Variants in LRMDA observed in about 807,000 individuals in gnomAD.
LRMDA encodes leucine rich melanocyte differentiation associated, also known as leucine-rich melanocyte differentiation-associated protein.
Under a neutral mutation model 29.8 loss-of-function variants are expected in LRMDA, and 18 were observed. The ratio of observed to expected loss-of-function variants is 0.60; its 90% CI spans 0.42 to 0.90. The LOEUF (loss-of-function observed/expected upper bound fraction) is 0.90. Ranked by LOEUF, LRMDA falls within the 40% of genes least tolerant of loss-of-function variation. LRMDA has a pLI of 0.00. For synonymous variants in LRMDA, 125 were observed against 109.4 expected (o/e 1.14, Z -0.89); for missense variants, 273 against 273.9 (o/e 1.00, Z 0.02).
chr10:76,080,347 T>G (rs550702496), intron 5 of LRMDA, among the ~76,000 whole-genome samples: 1 of 152,358 alleles, frequency 6.6e-6, no homozygotes, highest in Non-Finnish European at 1.5e-5. Context: ...ATCTACCTTC[T>G]GTTTACCCCA....
In LRMDA at chr10:75,627,338, C is replaced by G. The variant is rs539235426; in HGVS notation, c.131+188844C>G. Among the ~76,000 whole-genome samples the G allele has an allele frequency of 5.4e-4, 82 of 152,252 alleles. 1 individual carries two copies. The highest frequency in any genetic ancestry group is 6.8e-3 in the Middle Eastern group (2 of 294). On this transcript the variant is annotated intron_variant, in intron 2 of 6. Transcript: ENST00000611255. ...AGCAGGTGGAAGGGAGAGGGATTTT[C>G]CTTGGAAACTGTCTCCCCTATAACA... is the stretch of plus-strand genomic sequence containing the variant.
chr10:76,259,129 A>AT (rs1342385203), intron 5 of LRMDA, among the ~76,000 whole-genome samples: 1 of 151,946 alleles, frequency 6.6e-6, no homozygotes. Flanking sequence ...AACATTTGTT[A>AT]TTTTTTATCT....
At chr10:75,549,996 G>A (rs1246202041) in intron 2 of LRMDA, among the ~76,000 whole-genome samples, 2 of 152,130 alleles carry the variant, frequency 1.3e-5, no homozygotes, top group Admixed American at 1.3e-4. Context: ...TTATTGTTGA[G>A]TAGTATTCTA....
At chr10:75,626,544 G>A (rs1171986426) in intron 2 of LRMDA, among the ~76,000 whole-genome samples, 1 of 152,168 alleles carries the variant, frequency 6.6e-6, no homozygotes, top group Non-Finnish European at 1.5e-5. Flanking sequence ...GGGAGGGGAA[G>A]GTCCTCTTGG....
chr10:76,142,596 G>A (rs76071575), intron 5 of LRMDA, among the ~76,000 whole-genome samples: 5 of 151,574 alleles, frequency 3.3e-5, no homozygotes, highest in African/African-American at 1.2e-4. Flanking sequence ...TATAGCAGCT[G>A]TTTCTGCATT....
At chr10:76,028,755 T>C (rs543508210) in intron 2 of LRMDA, among the ~76,000 whole-genome samples, 73 of 152,228 alleles carry the variant, frequency 4.8e-4, no homozygotes, top group African/African-American at 1.7e-3. Flanking sequence ...CCTAAGATTG[T>C]CATTTTCTAG....
intron 6 of LRMDA, among the ~76,000 whole-genome samples, chr10:76,547,480 T>C (rs1358411057): frequency 6.6e-6 from 1 of 152,148 alleles, no homozygotes; most frequent in East Asian, 1.9e-4. Context: ...TGGCTCTCCC[T>C]GAATAGTTGC....
intron 6 of LRMDA, among the ~76,000 whole-genome samples, chr10:76,360,235 G>A (rs565479370): frequency 6.6e-6 from 1 of 152,162 alleles, no homozygotes; most frequent in African/African-American, 2.4e-5. Flanking sequence ...TGGTCTGCCT[G>A]CCTCGGCCTC....
intron 6 of LRMDA, among the ~76,000 whole-genome samples, chr10:76,520,076 C>T (rs936747464): frequency 2.0e-5 from 3 of 152,006 alleles, no homozygotes; most frequent in Non-Finnish European, 4.4e-5. Context: ...TTGTGGTGAT[C>T]GTTGTCTAAT....
At chr10:76,478,735 A>T (rs1480914852) in intron 6 of LRMDA, among the ~76,000 whole-genome samples, 1 of 152,130 alleles carries the variant, frequency 6.6e-6, no homozygotes, top group Non-Finnish European at 1.5e-5. Flanking sequence ...TGATGAGTTC[A>T]TGTCCTTTGT....
intron 6 of LRMDA, among the ~76,000 whole-genome samples, chr10:76,475,090 G>A (rs538327037): frequency 1.9e-3 from 281 of 151,714 alleles, no homozygotes; most frequent in Admixed American, 3.5e-3. Flanking sequence ...ATTATGCTAA[G>A]TAAAAAAACC....
intron 5 of LRMDA, among the ~76,000 whole-genome samples, chr10:76,131,039 C>T (rs1209772022): frequency 1.3e-5 from 2 of 152,062 alleles, no homozygotes; most frequent in African/African-American, 2.4e-5. Context: ...TTTTTCATTC[C>T]GGAAAGCAGC....
At chr10:75,998,776 C>T (rs1307572187) in intron 2 of LRMDA, among the ~76,000 whole-genome samples, 1 of 152,194 alleles carries the variant, frequency 6.6e-6, no homozygotes, top group Non-Finnish European at 1.5e-5. Context: ...TGGCAAAACA[C>T]TTGTGGTGTA....
chr10:76,109,380 A>G (rs1589330629), intron 5 of LRMDA, among the ~76,000 whole-genome samples: 1 of 152,168 alleles, frequency 6.6e-6, no homozygotes, highest in East Asian at 1.9e-4. Flanking sequence ...TCTTCCCCCT[A>G]TTGAAGGCTA....
chr10:75,913,952 C>T (rs1162132688), intron 2 of LRMDA, among the ~76,000 whole-genome samples: 4 of 152,248 alleles, frequency 2.6e-5, no homozygotes, highest in Non-Finnish European at 4.4e-5. Context: ...GTGAAAGCTT[C>T]TCTGCCTGCT....
intron 5 of LRMDA, among the ~76,000 whole-genome samples, chr10:76,092,067 T>A (rs919185354): frequency 3.9e-5 from 6 of 152,176 alleles, no homozygotes; most frequent in African/African-American, 1.4e-4. Flanking sequence ...GAGGAGGTTG[T>A]TGGCATTTCT....
intron 3 of LRMDA, among the ~76,000 whole-genome samples, chr10:76,043,989 G>A (rs1865636): frequency 0.44 from 65,897 of 151,258 alleles, 14,853 homozygotes; most frequent in Non-Finnish European, 0.46. Flanking sequence ...CCTTGTCTAC[G>A]TAAATAATTA....
At chr10:75,745,124 T>A (rs903640552) in intron 2 of LRMDA, among the ~76,000 whole-genome samples, 10 of 152,194 alleles carry the variant, frequency 6.6e-5, no homozygotes, top group African/African-American at 2.4e-4. Context: ...CACAGAGGTG[T>A]GTTAGGTCGA....
chr10:75,877,849 C>G (rs1245758219), intron 2 of LRMDA, among the ~76,000 whole-genome samples: 2 of 152,128 alleles, frequency 1.3e-5, no homozygotes, highest in South Asian at 2.1e-4. Flanking sequence ...TTTTCTCACT[C>G]TATCCTTAGC....
Sources: allele counts gnomAD v4.1 joint callset (sites outside exome capture counted in the v4.1 genomes callset), GRCh38; gene constraint gnomAD v4.1.1; transcripts MANE v1.5; gene names NCBI Gene and HGNC (gene_info 2026-07-23, HGNC 2026-07-21).